Variants in KIF16B observed in about 807,000 individuals in gnomAD.
KIF16B encodes kinesin family member 16B, also known as kinesin-like protein KIF16B.
KIF16B carries 98 observed loss-of-function variants against 156.3 expected under a neutral mutation model. That is an observed-to-expected ratio of 0.63 (90% confidence interval 0.53 to 0.74). The LOEUF is 0.74. Ranked by LOEUF, KIF16B falls within the 30% of genes least tolerant of loss-of-function variation. The pLI, the probability that KIF16B is intolerant of heterozygous loss-of-function variation, is 0.00. For synonymous variants in KIF16B, 564 were observed against 583.7 expected, an observed-to-expected ratio of 0.97 and a Z score of 0.49; for missense variants, 1,421 against 1,606.5, an observed-to-expected ratio of 0.88 and a Z score of 1.97.
chr20:16,342,139 T>C (rs2064150772), intron 23 of KIF16B, among the ~76,000 whole-genome samples: 1 of 152,138 alleles, frequency 6.6e-6, no homozygotes, highest in South Asian at 2.1e-4. Flanking sequence ...CCCTCCATGA[T>C]CCCTTAGCAT....
At chr20:16,542,717 G>C (rs2070252335) in intron 1 of KIF16B, among the ~76,000 whole-genome samples, 1 of 152,212 alleles carries the variant, frequency 6.6e-6, no homozygotes, top group African/African-American at 2.4e-5. Context: ...AAACAAAGTA[G>C]AAGAAGAGGT....
intron 12 of KIF16B, among the ~76,000 whole-genome samples, chr20:16,469,561 TAA>T (rs368181137): frequency 0.14 from 15,719 of 110,176 alleles, 1,023 homozygotes; most frequent in Non-Finnish European, 0.2. Context: ...CCACCTTAAC[TAA>T]AAAAAAAAAA....
At chr20:16,376,630 A>T (rs1480218565) in intron 19 of KIF16B, among the ~76,000 whole-genome samples, 1 of 152,214 alleles carries the variant, frequency 6.6e-6, no homozygotes, top group African/African-American at 2.4e-5. Context: ...AAACTCATGA[A>T]GCTAACAGCC....
At chr20:16,554,436 C>A (rs112099490) in intron 1 of KIF16B, among the ~76,000 whole-genome samples, 2 of 152,124 alleles carry the variant, frequency 1.3e-5, no homozygotes, top group South Asian at 2.1e-4. Context: ...CTCTGCTGAG[C>A]GCTGAACGCT....
intron 12 of KIF16B, among the ~76,000 whole-genome samples, chr20:16,441,687 G>T (rs1247174982): frequency 1.3e-5 from 2 of 152,060 alleles, no homozygotes; most frequent in African/African-American, 4.8e-5. Context: ...ATGATTTTCT[G>T]TATCCTCCAA....
chr20:16,284,083 G>A (rs1466253481), intron 25 of KIF16B, among the ~76,000 whole-genome samples: 1 of 152,218 alleles, frequency 6.6e-6, no homozygotes, highest in East Asian at 1.9e-4. Flanking sequence ...AGCTGGGGAA[G>A]GCCATGAAGA....
chr20:16,454,035 A>G (rs1244940013), intron 12 of KIF16B, among the ~76,000 whole-genome samples: 1 of 152,192 alleles, frequency 6.6e-6, no homozygotes, highest in Non-Finnish European at 1.5e-5. Flanking sequence ...AATTGAAAAC[A>G]AAAATGCCTA....
chr20:16,500,633 C>G (rs150022570), intron 10 of KIF16B, among the ~76,000 whole-genome samples: 6 of 152,034 alleles, frequency 3.9e-5, no homozygotes, highest in Non-Finnish European at 8.8e-5. Context: ...GTTAGTTGCA[C>G]CCTTTGTCGT....
chr20:16,375,545 A>G (rs542085191), intron 19 of KIF16B, among the ~76,000 whole-genome samples: 1 of 152,206 alleles, frequency 6.6e-6, no homozygotes, highest in South Asian at 2.1e-4. Context: ...ATTGATTAGC[A>G]AGTACTTCTA....
intron 12 of KIF16B, among the ~76,000 whole-genome samples, chr20:16,435,054 TATTTAA>T (rs1436802091): frequency 4.6e-5 from 7 of 152,266 alleles, no homozygotes; most frequent in Non-Finnish European, 7.3e-5. Context: ...TATGTGATTT[TATTTAA>T]ATTTAACAGA....
chr20:16,343,333 C>A (rs571441383), intron 23 of KIF16B, among the ~76,000 whole-genome samples: 2 of 152,250 alleles, frequency 1.3e-5, no homozygotes, highest in South Asian at 2.1e-4. Context: ...TTAAGGATTG[C>A]CAGTGTTAAG....
intron 25 of KIF16B, among the ~76,000 whole-genome samples, chr20:16,277,700 C>G (rs1377655501): frequency 6.6e-6 from 1 of 151,926 alleles, no homozygotes; most frequent in East Asian, 1.9e-4. Context: ...CAGGTCAGCA[C>G]GCTTTATAAA....
intron 12 of KIF16B, among the ~76,000 whole-genome samples, chr20:16,488,516 A>G (rs1448625121): frequency 2.0e-5 from 3 of 152,222 alleles, no homozygotes; most frequent in Non-Finnish European, 4.4e-5. Flanking sequence ...ACAGGAATGG[A>G]GAAAAAACTG....
intron 1 of KIF16B, among the ~76,000 whole-genome samples, chr20:16,544,519 G>C (rs1313679146): frequency 1.4e-5 from 2 of 146,800 alleles, no homozygotes; most frequent in Admixed American, 1.4e-4. Flanking sequence ...AGACAGGAGA[G>C]TCGCTTGAAC....
intron 25 of KIF16B, among the ~76,000 whole-genome samples, chr20:16,308,908 T>C (rs142466780): frequency 6.8e-4 from 104 of 152,364 alleles, no homozygotes; most frequent in African/African-American, 2.4e-3. Context: ...CACTGCTCTA[T>C]CTGCCAACAC....
intron 11 of KIF16B, among the ~76,000 whole-genome samples, chr20:16,496,129 C>CT (rs1229782297): frequency 1.3e-5 from 2 of 152,184 alleles, no homozygotes; most frequent in Non-Finnish European, 2.9e-5. Context: ...ACTCTCCTGG[C>CT]TTTTTGTTTT....
chr20:16,569,666 T>C (rs1439916687), intron 1 of KIF16B, among the ~76,000 whole-genome samples: 1 of 152,206 alleles, frequency 6.6e-6, no homozygotes, highest in Non-Finnish European at 1.5e-5. Flanking sequence ...TCCCTTTGCC[T>C]GAGGCTCCAC....
intron 25 of KIF16B, among the ~76,000 whole-genome samples, chr20:16,294,191 C>T (rs2063351207): frequency 1.3e-5 from 2 of 152,192 alleles, no homozygotes; most frequent in African/African-American, 2.4e-5. Context: ...TGCATATACA[C>T]ACAAAACAGC....
chr20:16,458,183 A>T (rs1035886687), intron 12 of KIF16B, among the ~76,000 whole-genome samples: 1 of 152,244 alleles, frequency 6.6e-6, no homozygotes, highest in Non-Finnish European at 1.5e-5. Context: ...TATCAATGAA[A>T]GAAAATGACA....
Sources: gnomAD v4.1 joint callset for allele counts (sites outside exome capture counted in the v4.1 genomes callset) on GRCh38, gnomAD v4.1.1 for gene constraint, MANE v1.5 for transcripts, NCBI Gene and HGNC (gene_info 2026-07-23, HGNC 2026-07-21) for gene names.